TNR: variants seen among roughly 807,000 people sequenced by gnomAD.
The protein encoded by TNR is tenascin R.
A neutral mutation model predicts 150.4 loss-of-function variants in TNR; 45 were observed. The ratio of observed to expected loss-of-function variants is 0.30; its 90% confidence interval spans 0.24 to 0.38. The LOEUF is 0.38. TNR is among the 10% of genes least tolerant of loss of function. The probability of loss-of-function intolerance (pLI) is 1.00; values close to 1 mark genes in which losing one functional copy is unlikely to be tolerated. For synonymous variants in TNR, 687 were observed against 678.4 expected (o/e 1.01, Z -0.20); for missense variants, 1,544 against 1,759.1 (o/e 0.88, Z 2.19).
chr1:175,451,508 C>T (rs1056587632), intron 2 of TNR, among the ~76,000 whole-genome samples: 5 of 152,180 alleles, frequency 3.3e-5, no homozygotes, highest in Admixed American at 1.3e-4. Flanking sequence ...GTCTGGTGCT[C>T]TGCCATGCCA....
chr1:175,397,629 TC>T (rs1384345440), intron 4 of TNR, among the ~76,000 whole-genome samples: 1 of 152,238 alleles, frequency 6.6e-6, no homozygotes, highest in African/African-American at 2.4e-5. Flanking sequence ...TGTAGAATTT[TC>T]CCTTTTAAAG....
intron 1 of TNR, among the ~76,000 whole-genome samples, chr1:175,619,108 A>G (rs1348891390): frequency 6.6e-6 from 1 of 152,100 alleles, no homozygotes; most frequent in Middle Eastern, 3.2e-3. Context: ...TCCATTAGTG[A>G]CTGAGTGCCT....
At chr1:175,617,880 A>G (rs1165208629) in intron 1 of TNR, among the ~76,000 whole-genome samples, 1 of 152,154 alleles carries the variant, frequency 6.6e-6, no homozygotes. Context: ...CATTTTACCC[A>G]TTTTAGATCA....
chr1:175,729,128 C>T (rs1667557743), intron 1 of TNR, among the ~76,000 whole-genome samples: 1 of 152,264 alleles, frequency 6.6e-6, no homozygotes, highest in African/African-American at 2.4e-5. Context: ...TTTTATTCTC[C>T]TTAGCAGGTT....
chr1:175,453,265 G>A (rs545694562), intron 2 of TNR, among the ~76,000 whole-genome samples: 4 of 152,222 alleles, frequency 2.6e-5, no homozygotes, highest in Admixed American at 6.5e-5. Context: ...TGCCTCATCC[G>A]GATGATTGGT....
chr1:175,341,379 C>T (rs1650517095), intron 18 of TNR, among the ~76,000 whole-genome samples: 1 of 152,098 alleles, frequency 6.6e-6, no homozygotes, highest in Non-Finnish European at 1.5e-5. Context: ...GTGGTGATTA[C>T]TAAGTTAAGA....
At chr1:175,439,990 A>G (rs1408637108) in intron 2 of TNR, among the ~76,000 whole-genome samples, 2 of 152,212 alleles carry the variant, frequency 1.3e-5, no homozygotes, top group African/African-American at 4.8e-5. Context: ...ATCTAGAACT[A>G]GAAATACCAT....
intron 18 of TNR, 62 bp from the exon 19 acceptor site, chr1:175,337,741 T>A (rs1354917898): frequency 1.3e-6 from 2 of 1,581,014 alleles, no homozygotes; most frequent in Non-Finnish European, 1.7e-6. Flanking sequence ...CAAGAGCTCC[T>A]TGGATCATAG....
At chr1:175,453,796 T>C (rs1005974479) in intron 2 of TNR, among the ~76,000 whole-genome samples, 5 of 152,172 alleles carry the variant, frequency 3.3e-5, no homozygotes, top group African/African-American at 1.2e-4. Flanking sequence ...TGGTCTCGAA[T>C]TCCTGGCTTC....
In TNR at chr1:175,359,618, A is replaced by G. The variant is rs1215010476; in HGVS notation, c.2968T>C (p.Phe990Leu). 3.1e-6 allele frequency: 5 copies of G among 1,613,464 alleles called. No individual in the cohort carries two copies. Among genetic ancestry groups the G allele is most frequent in the Non-Finnish European group, 2.5e-6 (3 of 1,179,800 alleles). The stretch of plus-strand genomic sequence containing the variant: ...CAGGCCTGCAGACACCCACCTGCAA[A>G]GTGTGTAAGAACAATGACGTAGTTC... The part of the protein sequence containing the change: ...VENYVIVLTH[F>L]AVAGETILVD... Residue 990 changes from phenylalanine to leucine, a missense_variant, in exon 15 of 23, where the codon TTT (phenylalanine) becomes CTT (leucine). Transcript: ENST00000367674.
At chr1:175,623,790 A>G (rs6680804) in intron 1 of TNR, among the ~76,000 whole-genome samples, 72,284 of 152,092 alleles carry the variant, frequency 0.48, 18,376 homozygotes, top group African/African-American at 0.68. Flanking sequence ...AAGAATTGAC[A>G]TAGGAGTCTT....
intron 1 of TNR, among the ~76,000 whole-genome samples, chr1:175,689,947 A>G (rs1046930859): frequency 1.3e-5 from 2 of 152,156 alleles, no homozygotes; most frequent in African/African-American, 4.8e-5. Context: ...AACACACACT[A>G]TTTTCCATGA....
At chr1:175,534,138 TGCTC>T (rs1660179122) in intron 1 of TNR, among the ~76,000 whole-genome samples, 1 of 152,324 alleles carries the variant, frequency 6.6e-6, no homozygotes, top group African/African-American at 2.4e-5. Flanking sequence ...AACAACCTCA[TGCTC>T]ACACAAGAGC....
chr1:175,366,243 T>G, intron 10 of TNR, 105 bp from the exon 11 acceptor site: 3 of 1,216,482 alleles, frequency 2.5e-6, no homozygotes, highest in Admixed American at 5.5e-5. Context: ...CTGCTGACTA[T>G]GAGCACTAGC....
At chr1:175,335,321 G>T in intron 20 of TNR, 1 of 178,650 alleles carries the variant, frequency 5.6e-6, no homozygotes. Flanking sequence ...GGAACTAAGC[G>T]GAGTGGCTGT....
At chr1:175,660,597 C>T (rs529289608) in intron 1 of TNR, among the ~76,000 whole-genome samples, 16 of 152,274 alleles carry the variant, frequency 1.1e-4, no homozygotes, top group Middle Eastern at 3.4e-3. Context: ...ATAGACTGTC[C>T]ACAAATAAGT....
chr1:175,446,724 C>T (rs976871931), intron 2 of TNR, among the ~76,000 whole-genome samples: 1 of 152,050 alleles, frequency 6.6e-6, no homozygotes, highest in Non-Finnish European at 1.5e-5. Flanking sequence ...TCTTGGTGCT[C>T]ATTGCAAGGG....
rs775752679 is a variant in TNR, at chr1:175,354,489, C to T, written c.3284G>A (p.Arg1095Gln). 2 of 1,613,950 alleles carry T rather than the reference C, an allele frequency of 1.2e-6. No homozygotes were observed. The highest frequency in any genetic ancestry group is 2.7e-5 in the African/African-American group (2 of 74,930). ...TGTGTTCTCCAACAGGCCCTCCAGTCGAATCCAGGTGTCTTCTGCATCCAC... is the reference window on the plus strand; with the variant it reads ...TGTGTTCTCCAACAGGCCCTCCAGTTGAATCCAGGTGTCTTCTGCATCCAC... ...LIVDAEDTWI[R>Q]LEGLLENTDY... Residue 1095 changes from arginine to glutamine, a missense_variant, in exon 18 of 23, where the codon CGA becomes CAA. By Grantham distance (43) the Arg-to-Gln change is conservative. Coordinates refer to ENST00000367674, the MANE Select transcript of TNR (RefSeq NM_003285.3).
intron 1 of TNR, among the ~76,000 whole-genome samples, chr1:175,570,747 TA>T (rs1661832135): frequency 6.6e-6 from 1 of 152,076 alleles, no homozygotes; most frequent in African/African-American, 2.4e-5. Flanking sequence ...ATGACTCCTT[TA>T]TAAAAGGAGT....
Sources: gnomAD v4.1 joint callset for allele counts (sites outside exome capture counted in the v4.1 genomes callset) on GRCh38, gnomAD v4.1.1 for gene constraint, MANE v1.5 for transcripts, NCBI Gene and HGNC (gene_info 2026-07-23, HGNC 2026-07-21) for gene names.